Variants in KLHL12 observed in about 807,000 individuals in gnomAD.
The protein encoded by KLHL12 is kelch-like protein 12.
A neutral mutation model predicts 60.8 loss-of-function variants in KLHL12; 17 were observed. That is an observed-to-expected ratio of 0.28 (90% CI 0.19 to 0.42). The LOEUF is 0.42. Ranked by LOEUF, KLHL12 falls within the 10% of genes least tolerant of loss-of-function variation. The pLI is 1.00. For missense variants in KLHL12, 468 were observed against 722.3 expected, an observed-to-expected ratio of 0.65 and a Z score of 4.04; for synonymous variants, 220 against 250.9, an observed-to-expected ratio of 0.88 and a Z score of 1.16.
chr1:202,914,158 G>A (rs571727491), intron 4 of KLHL12, among the ~76,000 whole-genome samples: 1 of 152,346 alleles, frequency 6.6e-6, no homozygotes, highest in Non-Finnish European at 1.5e-5. Flanking sequence ...AGAGCAACTT[G>A]AAATCATCCG....
At position 202,894,649 on chromosome 1, in the gene KLHL12, C is replaced by T; in HGVS notation, c.1236G>A (p.Met412Ile). 1 of 1,614,160 alleles carries T rather than the reference C, an allele frequency of 6.2e-7. No individual in the cohort carries two copies. Among genetic ancestry groups the T allele is most frequent in the African/African-American group, 1.3e-5 (1 of 75,050 alleles). Reference protein sequence around the residue: ...NIDQWSMLGDMQTAREGAGLV... With the variant: ...NIDQWSMLGDIQTAREGAGLV... ...GTCCGGCACCTTCCCGGGCTGTCTGCATATCTCCCAGCATGCTCCACTGGT... is the reference window on the plus strand; with the variant it reads ...GTCCGGCACCTTCCCGGGCTGTCTGTATATCTCCCAGCATGCTCCACTGGT... Residue 412 changes from methionine (M) to isoleucine (I), a missense_variant, in exon 9 of 12, where the codon ATG (methionine) becomes ATA (isoleucine). Around this residue, in one of 4 missense-constraint regions of KLHL12, gnomAD observed 339 missense variants for 525.0 expected, o/e 0.65. Transcript: ENST00000367261.
chr1:202,912,735 G>A, intron 4 of KLHL12: 2 of 1,392,396 alleles, frequency 1.4e-6, no homozygotes, highest in Non-Finnish European at 2.0e-6. Context: ...ATTTTAATTA[G>A]GAAACAAAGC....
In KLHL12 at chr1:202,924,975, G is replaced by T; in HGVS notation, c.188C>A (p.Thr63Asn). 6.2e-7 allele frequency: 1 copy of T among 1,613,938 alleles called. No individual in the cohort carries two copies. Among genetic ancestry groups the T allele is most frequent in the Non-Finnish European group, 8.5e-7 (1 of 1,179,944 alleles). ...ACSDYFCAMF[T>N]SELSEKGKPY... ...GGCTAATTTACCACTTACCTCACTA[G>T]TGAACATGGCACAGAAGTAATCACT... The change falls in exon 2 of 12, where the codon ACT becomes AAT. Residue 63 changes from threonine (T) to asparagine (N), a missense_variant. Coordinates refer to ENST00000367261, the MANE Select transcript of KLHL12 (RefSeq NM_021633.4).
chr1:202,927,183 G>A lies in KLHL12; in HGVS notation c.-140C>T, dbSNP rs1653620867. Reference sequence around the variant, plus strand: ...GCTAGCAGGCGGCTCGGGAGGAGCCGAAGCGCCGCCCAGACCCGGAGGCTC... The same window carrying A: ...GCTAGCAGGCGGCTCGGGAGGAGCCAAAGCGCCGCCCAGACCCGGAGGCTC... On this transcript the variant is annotated 5_prime_UTR_variant, in exon 1 of 12. Coordinates refer to ENST00000367261, the MANE Select transcript of KLHL12 (RefSeq NM_021633.4). 1.0e-6 allele frequency: 1 copy of A among 985,194 alleles called. No homozygotes were observed. The highest frequency in any genetic ancestry group is 1.2e-6 in the Non-Finnish European group (1 of 829,888). The allele number at this position is 985,194 out of a possible 1,614,324, so 61.0% of individuals were successfully genotyped here.
At chr1:202,896,515 C>T (rs563699675) in intron 7 of KLHL12, among the ~76,000 whole-genome samples, 4 of 152,254 alleles carry the variant, frequency 2.6e-5, no homozygotes, top group Admixed American at 2.6e-4. Context: ...CAACTGAACA[C>T]TGGGTTCAAT....
chr1:202,899,579 A>G (rs991213175), intron 6 of KLHL12, among the ~76,000 whole-genome samples: 9 of 151,976 alleles, frequency 5.9e-5, no homozygotes, highest in African/African-American at 2.2e-4. Flanking sequence ...TAATCCTAGC[A>G]CTTTGGGAGG....
chr1:202,894,408 AAG>A (rs1417356333), intron 9 of KLHL12, 126 bp from the exon 10 acceptor site: 2 of 886,738 alleles, frequency 2.3e-6, no homozygotes, highest in African/African-American at 3.4e-5. Flanking sequence ...CAATAACTCT[AAG>A]AGAAATCTGA....
intron 9 of KLHL12, 124 bp from the exon 10 acceptor site, chr1:202,894,406 C>CT: frequency 1.1e-6 from 1 of 904,994 alleles, no homozygotes; most frequent in Non-Finnish European, 1.7e-6. Flanking sequence ...TCCAATAACT[C>CT]TAAGAGAAAT....
chr1:202,927,302 TC>T, upstream of KLHL12: 2 of 983,278 alleles, frequency 2.0e-6, no homozygotes, highest in Non-Finnish European at 2.4e-6. Context: ...CGCTCCAGAG[TC>T]TGCGTCACGT....
intron 8 of KLHL12, among the ~76,000 whole-genome samples, chr1:202,894,990 T>A (rs1659788232): frequency 6.6e-6 from 1 of 152,150 alleles, no homozygotes; most frequent in African/African-American, 2.4e-5. Context: ...CTAGTGCCAG[T>A]TCCCCACCCA....
chr1:202,906,948 C>T (rs897028671), intron 6 of KLHL12, among the ~76,000 whole-genome samples: 1 of 152,144 alleles, frequency 6.6e-6, no homozygotes, highest in African/African-American at 2.4e-5. Flanking sequence ...AGGTGTGAGA[C>T]ACCGTGCCCG....
In KLHL12 at chr1:202,925,318, T is replaced by C. The variant is rs1653475615; in HGVS notation, c.-45-111A>G. 3.9e-6 allele frequency: 5 copies of C among 1,298,566 alleles called. No homozygotes were observed. In the Admixed American group the frequency reaches 1.4e-4, roughly 37 times the overall value. 80.4% of individuals were successfully genotyped at this position (1,298,566 alleles called of 1,614,324 possible). A position where few individuals can be genotyped will look rare whatever the true frequency, so the allele number is the denominator to read the frequency against. On this transcript the variant is annotated intron_variant, in intron 1 of 11. Transcript: ENST00000367261. ...TAAGAGGCTTCCTCAGACCCAAACA[T>C]ACACAAGTTGAGGGCACTCCTATGC...
rs748100635 is a variant in KLHL12, at chr1:202,918,530, T to C, written c.350-142A>G. 39 of 682,578 alleles carry C rather than the reference T, an allele frequency of 5.7e-5. No homozygotes were observed. In the Admixed American group the frequency reaches 6.2e-4, roughly 11 times the overall value. The allele number at this position is 682,578 out of a possible 1,614,324, so 42.3% of individuals were successfully genotyped here. On this transcript the variant is annotated intron_variant, in intron 3 of 11. Transcript: ENST00000367261. ...CCTAAGAAACAGATTAGAAATTCTATGCTTAAGGAACTTAAACTCTATTTC... is the reference window on the plus strand; with the variant it reads ...CCTAAGAAACAGATTAGAAATTCTACGCTTAAGGAACTTAAACTCTATTTC...
At chr1:202,915,076 C>G (rs1232255182) in intron 4 of KLHL12, 1 of 152,130 alleles carries the variant, frequency 6.6e-6, no homozygotes, top group Non-Finnish European at 1.5e-5. Context: ...TGCCTCACTA[C>G]AGAGAAAAAT....
In KLHL12 at chr1:202,917,424, G is replaced by A. The variant is rs143609770; in HGVS notation, c.567+747C>T. ...GACAGGGTTTTGCCATGTTGCCCAG[G>A]CTAGTATCAAACTCCTGGACACAAG... is the stretch of plus-strand genomic sequence containing the variant. On this transcript the variant is annotated intron_variant, in intron 4 of 11. Coordinates refer to ENST00000367261, the MANE Select transcript of KLHL12 (RefSeq NM_021633.4). 2.3e-4 allele frequency among the ~76,000 whole-genome samples: 32 copies of A among 137,328 alleles called. No individual in the cohort carries two copies. The East Asian group carries it at 7.2e-3, about 31-fold the overall frequency. 90.1% of individuals were successfully genotyped at this position (137,328 alleles called of 152,430 possible). A position where few individuals can be genotyped will look rare whatever the true frequency, so the allele number is the denominator to read the frequency against.
intron 4 of KLHL12, among the ~76,000 whole-genome samples, chr1:202,915,649 T>C (rs1660501324): frequency 1.3e-5 from 2 of 152,158 alleles, no homozygotes; most frequent in African/African-American, 2.4e-5. Context: ...ACTGAAAACA[T>C]GACGAGCTCA....
chr1:202,894,870 T>C, intron 8 of KLHL12, 121 bp from the exon 9 acceptor site: 1 of 768,684 alleles, frequency 1.3e-6, no homozygotes. Flanking sequence ...TATTTTTAAA[T>C]GAGATAAGTC....
intron 1 of KLHL12, among the ~76,000 whole-genome samples, chr1:202,926,393 A>C (rs1287234972): frequency 6.6e-6 from 1 of 152,228 alleles, no homozygotes; most frequent in Non-Finnish European, 1.5e-5. Flanking sequence ...CTAAATTCTC[A>C]TCTACTTCTG....
rs199693719 is a variant in KLHL12 at position 202,911,093 on chromosome 1, T to C, written c.678A>G (p.Leu226=). 9 of 1,614,150 alleles carry C rather than the reference T, an allele frequency of 5.6e-6. No homozygotes were observed. Among genetic ancestry groups the C allele is most frequent in the African/African-American group, 4.0e-5 (3 of 75,042 alleles). Residue 226 remains leucine, a synonymous_variant, in exon 5 of 12, where the codon CTA becomes CTG. Coordinates refer to ENST00000367261, the MANE Select transcript of KLHL12 (RefSeq NM_021633.4). ...CATCTGTGATATACCTGGGGGTTAG[T>C]AGGGGCATCCGCACATACTGTAGCA... is the stretch of plus-strand genomic sequence containing the variant. The part of the protein sequence containing the change: ...PNLLQYVRMP[L]LTPRYITDVI...
Sources: allele counts gnomAD v4.1 joint callset (sites outside exome capture counted in the v4.1 genomes callset), GRCh38; gene constraint gnomAD v4.1.1; regional missense constraint gnomAD v4.1.1; transcripts MANE v1.5; gene names NCBI Gene and HGNC (gene_info 2026-07-23, HGNC 2026-07-21).